The following FSTL4 variants were observed in gnomAD, a reference collection of about 807,000 sequenced individuals.
FSTL4 encodes follistatin-related protein 4.
Under a neutral mutation model 78.2 loss-of-function variants are expected in FSTL4, and 28 were observed. The observed-to-expected ratio is 0.36, with a 90% CI of 0.27 to 0.49. FSTL4 has a LOEUF of 0.49. Among genes scored for constraint, FSTL4 ranks in the 20% least tolerant of loss-of-function variants. The probability of loss-of-function intolerance (pLI) is 0.98; values close to 1 mark genes in which losing one functional copy is unlikely to be tolerated. For missense variants in FSTL4, 922 were observed against 1,084.9 expected, an observed-to-expected ratio of 0.85 and a Z score of 2.11; for synonymous variants, 422 against 440.5, an observed-to-expected ratio of 0.96 and a Z score of 0.53.
intron 14 of FSTL4, among the ~76,000 whole-genome samples, chr5:133,205,662 C>G (rs1325680005): frequency 6.6e-6 from 1 of 152,136 alleles, no homozygotes. Context: ...TTTTCCCAAA[C>G]AAAACTTTAT....
intron 4 of FSTL4, among the ~76,000 whole-genome samples, chr5:133,391,670 G>A (rs1755853362): frequency 6.6e-6 from 1 of 152,092 alleles, no homozygotes; most frequent in South Asian, 2.1e-4. Flanking sequence ...GCCCCCTTGT[G>A]AGCCCCCAAA....
the FSTL4 span, among the ~76,000 whole-genome samples, chr5:133,796,793 G>T: frequency 2.0e-5 from 3 of 152,234 alleles, no homozygotes; most frequent in Admixed American, 1.3e-4. Context: ...ATGAAAACAG[G>T]CATGGCTGTT....
Position 133,316,665 on chromosome 5 carries a change from G to A in FSTL4, c.410-13C>T, listed in dbSNP as rs780188238. On this transcript the variant is annotated splice_polypyrimidine_tract_variant and intron_variant, in intron 4 of 15. Transcript: ENST00000265342. ...GTGCACGTGTCACCTGAAAGAGAAG[G>A]TGAGGTTATTATTTTGAGACTTATC... is the stretch of plus-strand genomic sequence containing the variant. 1 of 1,597,548 alleles carries A rather than the reference G, an allele frequency of 6.3e-7. No individual in the cohort carries two copies. The highest frequency in any genetic ancestry group is 1.3e-5 in the African/African-American group (1 of 74,444).
chr5:133,408,869 G>A (rs1282290746), intron 3 of FSTL4, among the ~76,000 whole-genome samples: 1 of 152,150 alleles, frequency 6.6e-6, no homozygotes, highest in Non-Finnish European at 1.5e-5. Context: ...TGCTCAATTC[G>A]GACACTGAAT....
chr5:133,569,086 G>T (rs1443954878), intron 2 of FSTL4, among the ~76,000 whole-genome samples: 1 of 151,860 alleles, frequency 6.6e-6, no homozygotes, highest in East Asian at 1.9e-4. Flanking sequence ...ATATTTGATG[G>T]CAATTTAAAA....
intron 4 of FSTL4, among the ~76,000 whole-genome samples, chr5:133,366,931 G>T (rs1318677247): frequency 2.6e-5 from 4 of 152,092 alleles, no homozygotes; most frequent in African/African-American, 9.7e-5. Flanking sequence ...GCTGTTAAAT[G>T]ATATATTTAA....
intron 3 of FSTL4, among the ~76,000 whole-genome samples, chr5:133,524,660 T>C (rs796748353): frequency 3.1e-4 from 47 of 152,296 alleles, no homozygotes; most frequent in African/African-American, 1.1e-3. Context: ...TAGAGGGCCC[T>C]CCAGAAATGC....
chr5:133,247,239 A>G (rs1261152639), intron 7 of FSTL4: 1 of 152,204 alleles, frequency 6.6e-6, no homozygotes, highest in Admixed American at 6.5e-5. Flanking sequence ...GGAGATAATG[A>G]GGGGCCATTC....
chr5:133,830,886 CT>C, the FSTL4 span, among the ~76,000 whole-genome samples: 1 of 152,166 alleles, frequency 6.6e-6, no homozygotes, highest in Non-Finnish European at 1.5e-5. Context: ...CTGTTCTCTG[CT>C]TGGCCACTCA....
At chr5:133,456,422 C>T (rs577690218) in intron 3 of FSTL4, among the ~76,000 whole-genome samples, 6 of 152,336 alleles carry the variant, frequency 3.9e-5, no homozygotes, top group Admixed American at 6.5e-5. Context: ...CTAGTGAGCC[C>T]TGCTTTTGGG....
At chr5:133,413,370 AC>A (rs2074839281) in intron 3 of FSTL4, among the ~76,000 whole-genome samples, 1 of 151,758 alleles carries the variant, frequency 6.6e-6, no homozygotes, top group African/African-American at 2.4e-5. Context: ...AACTTGATAA[AC>A]CTTTTGTTCC....
intron 3 of FSTL4, among the ~76,000 whole-genome samples, chr5:133,539,958 T>TTC (rs1474702927): frequency 1.3e-5 from 2 of 151,786 alleles, no homozygotes; most frequent in Non-Finnish European, 2.9e-5. Context: ...GGTTTTTTTT[T>TTC]TTTCTTTGAT....
the FSTL4 span, among the ~76,000 whole-genome samples, chr5:133,831,949 A>G: frequency 6.6e-6 from 1 of 152,344 alleles, no homozygotes; most frequent in Non-Finnish European, 1.5e-5. Context: ...CATTTTGGTG[A>G]TAACTACACG....
intron 4 of FSTL4, among the ~76,000 whole-genome samples, chr5:133,328,183 AGATCCAGCC>A (rs1754261532): frequency 6.6e-6 from 1 of 152,256 alleles, no homozygotes; most frequent in South Asian, 2.1e-4. Flanking sequence ...GCACTGGAGC[AGATCCAGCC>A]GACTCCAAGG....
chr5:133,281,062 G>A (rs537785525), intron 6 of FSTL4, among the ~76,000 whole-genome samples: 1 of 152,316 alleles, frequency 6.6e-6, no homozygotes, highest in South Asian at 2.1e-4. Flanking sequence ...GGAACGTGCT[G>A]GGTAAACAGT....
chr5:133,322,553 T>C (rs973065538), intron 4 of FSTL4, among the ~76,000 whole-genome samples: 1 of 151,874 alleles, frequency 6.6e-6, no homozygotes, highest in African/African-American at 2.4e-5. Context: ...CATGAGTGGG[T>C]TGCCGCCGTG....
chr5:133,402,652 T>C (rs748332201), intron 3 of FSTL4, among the ~76,000 whole-genome samples: 64 of 152,200 alleles, frequency 4.2e-4, no homozygotes, highest in Non-Finnish European at 6.8e-4. Context: ...TTTTCATCAT[T>C]ACAGATTTGA....
chr5:133,464,686 A>G (rs1757667608), intron 3 of FSTL4, among the ~76,000 whole-genome samples: 1 of 152,196 alleles, frequency 6.6e-6, no homozygotes, highest in Admixed American at 6.5e-5. Flanking sequence ...AAGCCTGGGG[A>G]AAACTTGGTC....
intron 3 of FSTL4, among the ~76,000 whole-genome samples, chr5:133,434,605 A>AT (rs968959357): frequency 1.3e-5 from 2 of 152,098 alleles, no homozygotes; most frequent in Non-Finnish European, 2.9e-5. Context: ...GCAATCTCTG[A>AT]TTTTTTTCCT....
Sources: allele counts gnomAD v4.1 joint callset (sites outside exome capture counted in the v4.1 genomes callset), GRCh38; gene constraint gnomAD v4.1.1; transcripts MANE v1.5; gene names NCBI Gene and HGNC (gene_info 2026-07-23, HGNC 2026-07-21).